The following DYNC1H1 variants were observed in gnomAD, a reference collection of about 807,000 sequenced individuals.
DYNC1H1 encodes the protein cytoplasmic dynein 1 heavy chain 1.
In DYNC1H1, 51 loss-of-function variants were observed where a neutral mutation model predicts 527.1. That is an observed-to-expected ratio of 0.10 (90% CI 0.08 to 0.12). The LOEUF (loss-of-function observed/expected upper bound fraction) is 0.12, where lower values mean the gene tolerates loss of function less well. Ranked by LOEUF, DYNC1H1 falls within the 10% of genes least tolerant of loss-of-function variation. The probability of loss-of-function intolerance (pLI) is 1.00; values close to 1 mark genes in which losing one functional copy is unlikely to be tolerated. For synonymous variants in DYNC1H1, 2,189 were observed against 2,278.8 expected (o/e 0.96, Z 1.12); for missense variants, 2,771 against 5,971.8 (o/e 0.46, Z 17.66).
At position 102,039,362 on chromosome 14, in the gene DYNC1H1, A is replaced by G. The variant is rs752046408; in HGVS notation, c.11461-50A>G. ...TAGCTCCTTGGCCACGCAGAAGTTC[A>G]GCGGGGTGCCGAGGGAGCTGCCTCA... is the stretch of plus-strand genomic sequence containing the variant. On this transcript the variant is annotated intron_variant, in intron 60 of 77. Coordinates refer to ENST00000360184, the MANE Select transcript of DYNC1H1 (RefSeq NM_001376.5). The surrounding 1 kb of genome is among the most constrained non-coding windows in gnomAD (Gnocchi z 7.0). The G allele has an allele frequency of 6.2e-7, 1 of 1,613,788 alleles. No homozygotes were observed. The highest frequency in any genetic ancestry group is 1.3e-5 in the African/African-American group (1 of 74,926).
intron 52 of DYNC1H1, 139 bp downstream of exon 52, chr14:102,032,606 C>T: frequency 8.8e-7 from 1 of 1,131,942 alleles, no homozygotes; most frequent in Non-Finnish European, 1.3e-6. Context: ...AATCCCAGAA[C>T]TTTGGGAGGC....
At position 102,002,961 on chromosome 14, in the gene DYNC1H1, C is replaced by G; in HGVS notation, c.4879C>G (p.Pro1627Ala). 1.2e-6 allele frequency: 2 copies of G among 1,614,016 alleles called. No homozygotes were observed. Among genetic ancestry groups the G allele is most frequent in the Non-Finnish European group, 1.7e-6 (2 of 1,180,036 alleles). Residue 1627 changes from proline to alanine, a missense_variant, in exon 23 of 78, where the codon CCC (proline) becomes GCC (alanine). Around this residue, in one of 32 missense-constraint regions of DYNC1H1, gnomAD observed 51 missense variants for 189.2 expected, o/e 0.27. Coordinates refer to ENST00000360184, the MANE Select transcript of DYNC1H1 (RefSeq NM_001376.5). This position sits in a 1 kb window ranked among gnomAD's most constrained non-coding sequence, Gnocchi z 4.4. ...EYLERERSSF[P>A]RFYFVGDEDL... ...TCTGGAAAGAGAGCGGTCATCTTTC[C>G]CCAGGTAAGATCCTTGCTTTGACTT...
In DYNC1H1 at chr14:101,965,816, TAA is replaced by T. The variant is rs59444117; in HGVS notation, c.256+883_256+884del. Reference sequence around the variant, plus strand: ...AATATTTGAGTCTAATTTTACAGATTAAAAAAAAAAAAAAAGATTCAGGTTAG... The same window carrying T: ...AATATTTGAGTCTAATTTTACAGATTAAAAAAAAAAAAAGATTCAGGTTAG... On this transcript the variant is annotated intron_variant, in intron 1 of 77. Coordinates refer to ENST00000360184, the MANE Select transcript of DYNC1H1 (RefSeq NM_001376.5). The surrounding 1 kb of genome is among the most constrained non-coding windows in gnomAD (Gnocchi z 4.1). 0.018 allele frequency among the ~76,000 whole-genome samples: 2,576 copies of T among 140,550 alleles called. 43 individuals carry two copies. Among genetic ancestry groups the T allele is most frequent in the South Asian group, 0.09 (401 of 4,446 alleles). 92.2% of individuals were successfully genotyped at this position (140,550 alleles called of 152,430 possible).
intron 1 of DYNC1H1, among the ~76,000 whole-genome samples, chr14:101,968,214 G>C (rs2047689283): frequency 6.6e-6 from 1 of 152,186 alleles, no homozygotes; most frequent in Non-Finnish European, 1.5e-5. Context: ...GCCTGGGATT[G>C]GCTGCTAGGT....
Position 102,011,007 on chromosome 14 carries a change from G to A in DYNC1H1, c.6618+55G>A. The A allele has an allele frequency of 6.3e-7, 1 of 1,589,442 alleles. No homozygotes were observed. The highest frequency in any genetic ancestry group is 8.6e-7 in the Non-Finnish European group (1 of 1,158,150). On this transcript the variant is annotated intron_variant, in intron 32 of 77. Coordinates refer to ENST00000360184, the MANE Select transcript of DYNC1H1 (RefSeq NM_001376.5). This position sits in a 1 kb window ranked among gnomAD's most constrained non-coding sequence, Gnocchi z 5.3. ...CCTCACAGACCCTGCTGGCTTTAGT[G>A]TCTGGTAATGACAACCGTGGGCCCT...
rs776582823 is a variant in DYNC1H1, at chr14:102,022,849, G to C, written c.8606G>C (p.Arg2869Pro). ...PNIDREKAMS[R>P]PILYSNWLSK... ...ATCGACAGAGAGAAGGCAATGAGCC[G>C]ACCCATCTTGTACAGCAACTGGCTG... The change falls in exon 43 of 78, where the codon CGA (arginine) becomes CCA (proline). Residue 2869 changes from arginine to proline, a missense_variant. Around this residue, in one of 32 missense-constraint regions of DYNC1H1, gnomAD observed 163 missense variants for 346.9 expected, o/e 0.47. Transcript: ENST00000360184. The C allele has an allele frequency of 1.2e-6, 2 of 1,614,076 alleles. No individual in the cohort carries two copies. The highest frequency in any genetic ancestry group is 1.7e-5 in the Admixed American group (1 of 60,000).
chr14:102,004,051 C>T (rs531471728), intron 23 of DYNC1H1, among the ~76,000 whole-genome samples: 44 of 151,872 alleles, frequency 2.9e-4, no homozygotes, highest in South Asian at 1.5e-3. Flanking sequence ...ACCATCCTGG[C>T]TAACATGGTG....
intron 1 of DYNC1H1, among the ~76,000 whole-genome samples, chr14:101,973,011 T>C (rs1336748463): frequency 1.3e-5 from 2 of 152,152 alleles, no homozygotes; most frequent in Non-Finnish European, 2.9e-5. Flanking sequence ...TCTTGTGGTC[T>C]AGCTACATTT....
In DYNC1H1 at chr14:102,005,354, G is replaced by A. The variant is rs2048185112; in HGVS notation, c.5433+118G>A. 7 of 1,347,922 alleles carry A rather than the reference G, an allele frequency of 5.2e-6. 1 individual carries two copies. The South Asian group carries it at 8.2e-5, about 16-fold the overall frequency. The allele number at this position is 1,347,922 out of a possible 1,614,324, so 83.5% of individuals were successfully genotyped here. On this transcript the variant is annotated intron_variant, in intron 26 of 77. Coordinates refer to ENST00000360184, the MANE Select transcript of DYNC1H1 (RefSeq NM_001376.5). This position sits in a 1 kb window ranked among gnomAD's most constrained non-coding sequence, Gnocchi z 4.0. ...GGTAGTATCAAGGAGAACAGTGGAT[G>A]GTGTATGGATATCCTCTGAGGGTGG... is the stretch of plus-strand genomic sequence containing the variant.
At chr14:101,967,369 T>C (rs781030229) in intron 1 of DYNC1H1, among the ~76,000 whole-genome samples, 27 of 152,276 alleles carry the variant, frequency 1.8e-4, no homozygotes, top group Non-Finnish European at 3.4e-4. Context: ...AATGAAGTCA[T>C]GTAATTTAAT....
rs1566996718 is a variant in DYNC1H1 at position 101,980,499 on chromosome 14, T to C, written c.910T>C (p.Leu304=). The C allele has an allele frequency of 3.1e-6, 5 of 1,614,220 alleles. No individual in the cohort carries two copies. Among genetic ancestry groups the C allele is most frequent in the Non-Finnish European group, 4.2e-6 (5 of 1,180,036 alleles). Residue 304 remains leucine (L), a synonymous_variant, in exon 5 of 78, where the codon TTG becomes CTG. Transcript: ENST00000360184. The part of the protein sequence containing the change: ...SPEVLLTLDI[L]KHGKRFHATV... Reference sequence around the variant, plus strand: ...GGAAGTTCTCCTGACTCTGGATATCTTGAAACATGGCAAGCGCTTCCATGC... The same window carrying C: ...GGAAGTTCTCCTGACTCTGGATATCCTGAAACATGGCAAGCGCTTCCATGC...
rs2152579066 is a variant in DYNC1H1, at chr14:102,011,989, G to A, written c.6733G>A (p.Glu2245Lys). Residue 2245 changes from glutamate (E) to lysine (K), a missense_variant, in exon 33 of 78, where the codon GAG becomes AAG. Glu to Lys is a moderately conservative substitution (Grantham distance 56). Transcript: ENST00000360184. This position sits in a 1 kb window ranked among gnomAD's most constrained non-coding sequence, Gnocchi z 5.3. Reference sequence around the variant, plus strand: ...CCTGCTGAAGGCATTGGAGAGACTCGAGGGTGTGGAAGGTGTGGCCCATAT... The same window carrying A: ...CCTGCTGAAGGCATTGGAGAGACTCAAGGGTGTGGAAGGTGTGGCCCATAT... ...RVLLKALERL[E>K]GVEGVAHIID... 1 of 1,614,112 alleles carries A rather than the reference G, an allele frequency of 6.2e-7. No individual in the cohort carries two copies. The highest frequency in any genetic ancestry group is 8.5e-7 in the Non-Finnish European group (1 of 1,180,028).
intron 43 of DYNC1H1, among the ~76,000 whole-genome samples, chr14:102,024,916 G>T (rs1378882363): frequency 6.6e-6 from 1 of 151,144 alleles, no homozygotes; most frequent in South Asian, 2.1e-4. Flanking sequence ...GGATGGTCTC[G>T]ATCTCCTGAC....
chr14:102,018,309 T>C lies in DYNC1H1; in HGVS notation c.8178-142T>C. 3 of 1,188,740 alleles carry C rather than the reference T, an allele frequency of 2.5e-6. No homozygotes were observed. The Admixed American group carries it at 6.3e-5, about 25-fold the overall frequency. 73.6% of individuals were successfully genotyped at this position (1,188,740 alleles called of 1,614,324 possible). On this transcript the variant is annotated intron_variant, in intron 40 of 77. Transcript: ENST00000360184. This position sits in a 1 kb window ranked among gnomAD's most constrained non-coding sequence, Gnocchi z 5.2. ...TGAGCAGCGTGTGTGTGATCTCAGC[T>C]AACACTGATGTCAAGTCTGCATAGC...
intron 1 of DYNC1H1, chr14:101,969,536 T>A: frequency 6.4e-6 from 1 of 156,146 alleles, no homozygotes; most frequent in Non-Finnish European, 1.4e-5. Flanking sequence ...CTCCAGTACC[T>A]CCAGCTCCAG....
intron 42 of DYNC1H1, among the ~76,000 whole-genome samples, chr14:102,022,500 C>T (rs575563342): frequency 3.5e-5 from 5 of 141,290 alleles, no homozygotes; most frequent in South Asian, 4.5e-4. Flanking sequence ...AGAGAGACTC[C>T]GTCTCAAAAA....
chr14:102,023,082 GTA>G (rs1379016155), intron 43 of DYNC1H1: 1 of 783,616 alleles, frequency 1.3e-6, no homozygotes, highest in Non-Finnish European at 2.0e-6. Flanking sequence ...GGGCAACATA[GTA>G]AGACTCCACC....
intron 43 of DYNC1H1, among the ~76,000 whole-genome samples, chr14:102,025,100 C>T (rs2048433446): frequency 1.3e-5 from 2 of 151,864 alleles, no homozygotes; most frequent in Admixed American, 6.6e-5. Context: ...CTTTGGGAGG[C>T]CAAGGTGGGC....
At position 102,021,690 on chromosome 14, in the gene DYNC1H1, C is replaced by T. The variant is rs545619059; in HGVS notation, c.8508-1061C>T. ...TTTTTTTTTTTTGAGACAAGAGTCT[C>T]GCTTTGTCACCCAGGCTAGAGTGCA... On this transcript the variant is annotated intron_variant, in intron 42 of 77. Coordinates refer to ENST00000360184, the MANE Select transcript of DYNC1H1 (RefSeq NM_001376.5). Among the ~76,000 whole-genome samples the T allele has an allele frequency of 3.6e-5, 5 of 138,054 alleles. No individual in the cohort carries two copies. The South Asian group carries it at 6.9e-4, about 19-fold the overall frequency. 90.6% of individuals were successfully genotyped at this position (138,054 alleles called of 152,430 possible). A position where few individuals can be genotyped will look rare whatever the true frequency, so the allele number is the denominator to read the frequency against.
Sources: gnomAD v4.1 joint callset for allele counts (sites outside exome capture counted in the v4.1 genomes callset) on GRCh38, gnomAD v4.1.1 for gene constraint, gnomAD v4.1.1 regional missense constraint, Gnocchi (gnomAD v3.1) non-coding constraint, MANE v1.5 for transcripts, NCBI Gene and HGNC (gene_info 2026-07-23, HGNC 2026-07-21) for gene names.